The following ARPP21 variants were observed in gnomAD, a reference collection of about 807,000 sequenced individuals.
ARPP21 encodes the protein cAMP regulated phosphoprotein 21.
In ARPP21, 69 loss-of-function variants were observed where a neutral mutation model predicts 113.2. The observed-to-expected ratio is 0.61, with a 90% confidence interval of 0.50 to 0.74. ARPP21 has a LOEUF of 0.74. Ranked by LOEUF, ARPP21 falls within the 30% of genes least tolerant of loss-of-function variation. The pLI is 0.00. For synonymous variants in ARPP21, 368 were observed against 375.5 expected (o/e 0.98, Z 0.23); for missense variants, 1,070 against 1,037.4 (o/e 1.03, Z -0.43).
intron 1 of ARPP21, among the ~76,000 whole-genome samples, chr3:35,673,443 T>G (rs2076807207): frequency 6.6e-6 from 1 of 152,012 alleles, no homozygotes; most frequent in Non-Finnish European, 1.5e-5. Context: ...AATTTAAACT[T>G]CTATGTTGAT....
intron 9 of ARPP21, among the ~76,000 whole-genome samples, chr3:35,698,997 G>A (rs1167278836): frequency 6.6e-6 from 1 of 151,614 alleles, no homozygotes; most frequent in African/African-American, 2.4e-5. Flanking sequence ...GTTCGGTACT[G>A]CGCTTTGAAC....
intron 11 of ARPP21, among the ~76,000 whole-genome samples, chr3:35,711,892 C>T (rs1315485258): frequency 6.6e-6 from 1 of 152,138 alleles, no homozygotes; most frequent in African/African-American, 2.4e-5. Context: ...TCTTTTATAA[C>T]CTAATCTTGG....
chr3:35,687,568 A>G (rs188095548), intron 5 of ARPP21, among the ~76,000 whole-genome samples, 171 bp from the exon 6 acceptor site: 2 of 151,484 alleles, frequency 1.3e-5, no homozygotes, highest in East Asian at 3.9e-4. Context: ...CTGAAGATTA[A>G]GTCATTTTAA....
chr3:35,708,954 C>A lies in ARPP21; in HGVS notation c.796-15C>A, dbSNP rs1465841982. The A allele has an allele frequency of 2.5e-6, 4 of 1,597,460 alleles. No homozygotes were observed. The highest frequency in any genetic ancestry group is 3.4e-6 in the Non-Finnish European group (4 of 1,166,580). ...GCAACTTGGATAACCCTCCTGATTT[C>A]TTTTTTCTGTTCAGCAAAACAGAAT... On this transcript the variant is annotated splice_polypyrimidine_tract_variant and intron_variant, in intron 10 of 20. Transcript: ENST00000684406.
intron 18 of ARPP21, among the ~76,000 whole-genome samples, chr3:35,742,151 G>A (rs967836149): frequency 6.6e-6 from 1 of 151,998 alleles, no homozygotes; most frequent in Non-Finnish European, 1.5e-5. Flanking sequence ...GTTTTATATT[G>A]AACATAAGAA....
At position 35,793,739 on chromosome 3, in the gene ARPP21, G is replaced by C; in HGVS notation, c.2325G>C (p.Gln775His). Residue 775 changes from glutamine (Q) to histidine (H), a missense_variant, in exon 21 of 21, where the codon CAG becomes CAC. Physicochemically the swap from Gln to His is conservative, Grantham distance 24. Coordinates refer to ENST00000684406, the MANE Select transcript of ARPP21 (RefSeq NM_001385562.1). ...AGGGTTCTCAAGGACTGCCCCAGCA[G>C]TCATACCAACAGCCAATCATGCTAC... ...MTQGSQGLPQQSYQQPIMLPN... is the reference protein window; with the variant it reads ...MTQGSQGLPQHSYQQPIMLPN... The C allele has an allele frequency of 6.2e-7, 1 of 1,613,916 alleles. No homozygotes were observed. The highest frequency in any genetic ancestry group is 8.5e-7 in the Non-Finnish European group (1 of 1,179,770).
intron 5 of ARPP21, among the ~76,000 whole-genome samples, chr3:35,687,147 C>T (rs889426088): frequency 2.6e-5 from 4 of 151,104 alleles, no homozygotes; most frequent in African/African-American, 9.7e-5. Flanking sequence ...TATTTATAAA[C>T]AATTATAATA....
At chr3:35,681,977 T>A in intron 3 of ARPP21, 97 bp downstream of exon 3, 1 of 1,366,154 alleles carries the variant, frequency 7.3e-7, no homozygotes, top group South Asian at 1.7e-5. Context: ...TTTAAAGAGT[T>A]TCACTGGTTA....
At chr3:35,661,040 TA>T (rs1364200649) in intron 1 of ARPP21, among the ~76,000 whole-genome samples, 1 of 152,194 alleles carries the variant, frequency 6.6e-6, no homozygotes, top group African/African-American at 2.4e-5. Context: ...TCACAATTTT[TA>T]GCAGACTTTT....
chr3:35,728,321 C>T (rs1200086100), intron 14 of ARPP21, among the ~76,000 whole-genome samples: 5 of 147,494 alleles, frequency 3.4e-5, no homozygotes, highest in East Asian at 4.0e-4. Flanking sequence ...CAGGTTCAAG[C>T]GATTCTCCTG....
At chr3:35,677,413 G>T (rs2077797891) in intron 1 of ARPP21, among the ~76,000 whole-genome samples, 1 of 151,710 alleles carries the variant, frequency 6.6e-6, no homozygotes, top group Non-Finnish European at 1.5e-5. Flanking sequence ...TCCACAACCT[G>T]AATTGTTACT....
chr3:35,724,930 C>A (rs925764358), intron 14 of ARPP21, among the ~76,000 whole-genome samples: 3 of 152,080 alleles, frequency 2.0e-5, no homozygotes, highest in East Asian at 3.9e-4. Flanking sequence ...AGAAATAAAA[C>A]CTTTATGATT....
intron 15 of ARPP21, among the ~76,000 whole-genome samples, chr3:35,731,278 T>C (rs1013278339): frequency 7.2e-5 from 11 of 152,168 alleles, no homozygotes; most frequent in Non-Finnish European, 1.6e-4. Flanking sequence ...ATCTTGTTTG[T>C]AGAAAAAAGA....
Position 35,748,049 on chromosome 3 carries a change from A to AAG in ARPP21, c.2137+4084_2137+4085insAG, listed in dbSNP as rs1477959205. 4.5e-4 allele frequency among the ~76,000 whole-genome samples: 62 copies of AAG among 136,380 alleles called. 1 individual carries two copies. Among genetic ancestry groups the AAG allele is most frequent in the African/African-American group, 2.0e-3 (61 of 30,678 alleles). The allele number at this position is 136,380 out of a possible 152,430, so 89.5% of individuals were successfully genotyped here. On this transcript the variant is annotated intron_variant, in intron 19 of 20. Transcript: ENST00000684406. ...ACAGAAAGAGAAAGGAGAGAGAGAAAGAAAAGGAAGAAGGAAGGAAGAAAG... is the reference window on the plus strand; with the variant it reads ...ACAGAAAGAGAAAGGAGAGAGAGAAAAGGAAAAGGAAGAAGGAAGGAAGAAAG...
chr3:35,690,993 G>A lies in ARPP21; in HGVS notation c.674G>A (p.Ser225Asn), dbSNP rs1324462961. Residue 225 changes from serine (S) to asparagine (N), a missense_variant, in exon 9 of 21, where the codon AGC becomes AAC. Ser to Asn is a conservative substitution (Grantham distance 46, BLOSUM62 1). Coordinates refer to ENST00000684406, the MANE Select transcript of ARPP21 (RefSeq NM_001385562.1). ...TGKSVIINKTSSTRIPEQRFC... is the reference protein window; with the variant it reads ...TGKSVIINKTNSTRIPEQRFC... ...AAATCTGTTATCATCAACAAGACCA[G>A]CAGCACCAGAATGTAAGCCCCATCA... 4 of 1,609,740 alleles carry A rather than the reference G, an allele frequency of 2.5e-6. No individual in the cohort carries two copies. The highest frequency in any genetic ancestry group is 3.4e-6 in the Non-Finnish European group (4 of 1,177,482).
chr3:35,648,798 A>G (rs900973303), intron 1 of ARPP21, among the ~76,000 whole-genome samples: 1 of 152,204 alleles, frequency 6.6e-6, no homozygotes, highest in Admixed American at 6.5e-5. Context: ...TTTATTTCCT[A>G]TTATAAAACA....
intron 19 of ARPP21, among the ~76,000 whole-genome samples, chr3:35,760,703 T>C (rs992401319): frequency 6.6e-6 from 1 of 152,108 alleles, no homozygotes; most frequent in Admixed American, 6.6e-5. Flanking sequence ...CAGCCCATCA[T>C]GGCACTGTGG....
chr3:35,707,741 G>C (rs1471214622), intron 10 of ARPP21, among the ~76,000 whole-genome samples: 1 of 151,966 alleles, frequency 6.6e-6, no homozygotes, highest in Non-Finnish European at 1.5e-5. Flanking sequence ...TTCTAGAGTA[G>C]CCTTATTTGT....
chr3:35,668,501 G>A (rs182424232), intron 1 of ARPP21, among the ~76,000 whole-genome samples: 21 of 152,214 alleles, frequency 1.4e-4, no homozygotes, highest in Admixed American at 1.3e-3. Context: ...GAGTGGTCAG[G>A]CCACAGAGTT....
Sources: allele counts gnomAD v4.1 joint callset (sites outside exome capture counted in the v4.1 genomes callset), GRCh38; gene constraint gnomAD v4.1.1; transcripts MANE v1.5; gene names NCBI Gene and HGNC (gene_info 2026-07-23, HGNC 2026-07-21).